The following LOC128462377 variants were observed in gnomAD, a reference collection of about 807,000 sequenced individuals.
chr16:89,351,134 G>C, the LOC128462377 span, among the ~76,000 whole-genome samples: 86 of 152,324 alleles, frequency 5.6e-4, no homozygotes, highest in African/African-American at 2.0e-3. Context: ...GCACGGGAGT[G>C]GACGATGGCG....
chr16:89,356,090 C>T, the LOC128462377 span, among the ~76,000 whole-genome samples: 1 of 152,182 alleles, frequency 6.6e-6, no homozygotes, highest in South Asian at 2.1e-4. Context: ...AAAACAAATA[C>T]AAGAAAGAAT....
the LOC128462377 span, among the ~76,000 whole-genome samples, chr16:89,377,866 C>G: frequency 6.6e-6 from 1 of 152,070 alleles, no homozygotes; most frequent in Admixed American, 6.6e-5. Context: ...CTTCCACCCC[C>G]GCCCCATGAG....
chr16:89,327,324 A>G, the LOC128462377 span, among the ~76,000 whole-genome samples: 2 of 152,224 alleles, frequency 1.3e-5, no homozygotes, highest in Non-Finnish European at 2.9e-5. Context: ...TCAACACGAT[A>G]AAGGCCAACT....
the LOC128462377 span, among the ~76,000 whole-genome samples, chr16:89,350,277 C>T: frequency 6.6e-6 from 1 of 152,202 alleles, no homozygotes; most frequent in Non-Finnish European, 1.5e-5. Context: ...CTGGCAGGTT[C>T]TTAACAAGTT....
the LOC128462377 span, among the ~76,000 whole-genome samples, chr16:89,387,544 G>A: frequency 6.6e-6 from 1 of 151,846 alleles, no homozygotes; most frequent in Non-Finnish European, 1.5e-5. Flanking sequence ...GTGGTGGCGG[G>A]CGCCTGTACT....
the LOC128462377 span, among the ~76,000 whole-genome samples, chr16:89,347,444 C>T: frequency 6.6e-6 from 1 of 152,016 alleles, no homozygotes; most frequent in Non-Finnish European, 1.5e-5. Context: ...CCCGTCTCTA[C>T]TAAAAAATAC....
At chr16:89,328,099 A>G in the LOC128462377 span, among the ~76,000 whole-genome samples, 4 of 152,362 alleles carry the variant, frequency 2.6e-5, no homozygotes, top group East Asian at 7.7e-4. Context: ...ACAAGCCATG[A>G]AGGCACTCGA....
chr16:89,333,341 G>C, the LOC128462377 span, among the ~76,000 whole-genome samples: 1 of 152,222 alleles, frequency 6.6e-6, no homozygotes, highest in Admixed American at 6.5e-5. Flanking sequence ...GTGGCCGTTT[G>C]TTACAGCTGA....
At chr16:89,367,391 G>A in the LOC128462377 span, among the ~76,000 whole-genome samples, 9 of 152,330 alleles carry the variant, frequency 5.9e-5, no homozygotes, top group African/African-American at 1.2e-4. Context: ...GGGAAAGGCC[G>A]GGGATGCTCA....
At chr16:89,397,536 G>A in the LOC128462377 span, among the ~76,000 whole-genome samples, 4 of 152,226 alleles carry the variant, frequency 2.6e-5, no homozygotes, top group African/African-American at 9.6e-5. Flanking sequence ...CGTCCCTGAC[G>A]GGGAAGGGTT....
the LOC128462377 span, chr16:89,324,583 T>C: frequency 7.1e-5 from 32 of 451,300 alleles, no homozygotes; most frequent in African/African-American, 5.6e-4. Context: ...TGGGGGGGCA[T>C]GATCTCATCA....
chr16:89,347,191 C>A, the LOC128462377 span, among the ~76,000 whole-genome samples: 3 of 152,206 alleles, frequency 2.0e-5, no homozygotes, highest in African/African-American at 7.2e-5. Context: ...AACACTGCCA[C>A]AGCAGCACCT....
At chr16:89,325,469 T>C in the LOC128462377 span, among the ~76,000 whole-genome samples, 1 of 147,640 alleles carries the variant, frequency 6.8e-6, no homozygotes, top group African/African-American at 2.6e-5. Context: ...TCTCTCTCTC[T>C]CACACACACA....
the LOC128462377 span, among the ~76,000 whole-genome samples, chr16:89,342,683 C>CAT: frequency 6.6e-6 from 1 of 152,338 alleles, no homozygotes; most frequent in African/African-American, 2.4e-5. Flanking sequence ...CTTGATACTT[C>CAT]ATGGTGTAAA....
At chr16:89,362,178 C>T in the LOC128462377 span, among the ~76,000 whole-genome samples, 1 of 152,202 alleles carries the variant, frequency 6.6e-6, no homozygotes, top group East Asian at 1.9e-4. Flanking sequence ...TTGTTTTATT[C>T]TTCTGAAATA....
chr16:89,342,084 GCT>G, the LOC128462377 span, among the ~76,000 whole-genome samples: 1 of 152,040 alleles, frequency 6.6e-6, no homozygotes, highest in African/African-American at 2.4e-5. Flanking sequence ...ACCGCCCACA[GCT>G]CTGCTTCCCA....
the LOC128462377 span, among the ~76,000 whole-genome samples, chr16:89,398,634 CAG>C: frequency 1.2e-4 from 18 of 152,032 alleles, no homozygotes; most frequent in Non-Finnish European, 2.4e-4. Flanking sequence ...TTCAGATACT[CAG>C]GGGGCTGAGG....
At chr16:89,399,511 G>A in the LOC128462377 span, among the ~76,000 whole-genome samples, 2 of 152,182 alleles carry the variant, frequency 1.3e-5, no homozygotes, top group African/African-American at 2.4e-5. Context: ...GGAGAGGGAG[G>A]GACGGAGGGA....
the LOC128462377 span, among the ~76,000 whole-genome samples, chr16:89,375,522 C>A: frequency 1.3e-5 from 2 of 152,054 alleles, no homozygotes; most frequent in East Asian, 3.9e-4. Context: ...TGCAGTGGCA[C>A]GATCTTGGCT....
Sources: gnomAD v4.1 joint callset for allele counts (sites outside exome capture counted in the v4.1 genomes callset) on GRCh38, gnomAD v4.1.1 for gene constraint, MANE v1.5 for transcripts.